Variants in RPS6KA2 observed in about 807,000 individuals in gnomAD.
The protein encoded by RPS6KA2 is ribosomal protein S6 kinase A2, also known as ribosomal protein S6 kinase alpha-2.
RPS6KA2 carries 42 observed loss-of-function variants against 91.8 expected under a neutral mutation model. That is an observed-to-expected ratio of 0.46 (90% CI 0.36 to 0.59). The LOEUF (loss-of-function observed/expected upper bound fraction) is 0.59, where lower values mean the gene tolerates loss of function less well. RPS6KA2 is among the 20% of genes least tolerant of loss of function. The pLI is 0.00. For missense variants in RPS6KA2, 798 were observed against 978.5 expected, an observed-to-expected ratio of 0.82 and a Z score of 2.46; for synonymous variants, 414 against 393.6, an observed-to-expected ratio of 1.05 and a Z score of -0.61.
chr6:166,446,534 C>T (rs1176064584), intron 14 of RPS6KA2, among the ~76,000 whole-genome samples: 1 of 152,168 alleles, frequency 6.6e-6, no homozygotes, highest in South Asian at 2.1e-4. Flanking sequence ...GCTTCTCTCC[C>T]CGAGAGCTGT....
chr6:166,827,908 T>C (rs1466422518), intron 2 of RPS6KA2, among the ~76,000 whole-genome samples: 1 of 152,258 alleles, frequency 6.6e-6, no homozygotes, highest in Non-Finnish European at 1.5e-5. Flanking sequence ...TTCAGTCTAT[T>C]GTGTGAGAAG....
At position 166,665,425 on chromosome 6, in the gene RPS6KA2, A is replaced by G. The variant is rs191301551; in HGVS notation, c.124-126641T>C. Among the ~76,000 whole-genome samples, 2 of 152,284 alleles carry G rather than the reference A, an allele frequency of 1.3e-5. No homozygotes were observed. The highest frequency in any genetic ancestry group is 6.5e-5 in the Admixed American group (1 of 15,298). On this transcript the variant is annotated intron_variant, in intron 2 of 21. Coordinates refer to the RPS6KA2 transcript ENST00000503859. The surrounding 1 kb of genome is among the most constrained non-coding windows in gnomAD (Gnocchi z 4.5). ...AACCCAAAGAAGGGTTTGCAGCAGCAGCTGCACAAAGCTGCTGGACAAAGC... is the reference window on the plus strand; with the variant it reads ...AACCCAAAGAAGGGTTTGCAGCAGCGGCTGCACAAAGCTGCTGGACAAAGC...
Position 166,508,145 on chromosome 6 carries a change from C to T in RPS6KA2, c.459+58G>A. 4.4e-6 allele frequency: 5 copies of T among 1,147,488 alleles called. No individual in the cohort carries two copies. The South Asian group carries it at 5.2e-5, about 12-fold the overall frequency. The allele number at this position is 1,147,488 out of a possible 1,614,324, so 71.1% of individuals were successfully genotyped here. A position where few individuals can be genotyped will look rare whatever the true frequency, so the allele number is the denominator to read the frequency against. ...CTCAATGCTCTCCACCCCTCCTCCC[C>T]TCGAGTCCCAGACAGAAGCTCCTGC... is the stretch of plus-strand genomic sequence containing the variant. On this transcript the variant is annotated intron_variant, in intron 5 of 20. Coordinates refer to ENST00000265678, the MANE Select transcript of RPS6KA2 (RefSeq NM_021135.6). This position sits in a 1 kb window ranked among gnomAD's most constrained non-coding sequence, Gnocchi z 4.3.
intron 2 of RPS6KA2, among the ~76,000 whole-genome samples, chr6:166,669,190 G>A (rs1788404197): frequency 1.3e-5 from 2 of 152,136 alleles, no homozygotes; most frequent in Admixed American, 1.3e-4. Flanking sequence ...CCCCGTGCCT[G>A]GCCAGCATTA....
intron 1 of RPS6KA2, among the ~76,000 whole-genome samples, chr6:166,611,908 T>C (rs974249907): frequency 2.0e-5 from 3 of 152,170 alleles, no homozygotes; most frequent in Admixed American, 6.5e-5. Flanking sequence ...GAAAGTGCCA[T>C]GGGTAGGGCA....
chr6:166,526,733 C>CA, intron 3 of RPS6KA2, among the ~76,000 whole-genome samples: 1 of 152,214 alleles, frequency 6.6e-6, no homozygotes, highest in East Asian at 1.9e-4. Flanking sequence ...CTTTACATTA[C>CA]AAAAAAATTA....
Position 166,586,133 on chromosome 6 carries a change from G to A in RPS6KA2, c.99+40788C>T, listed in dbSNP as rs528722437. 4.3e-4 allele frequency: 646 copies of A among 1,506,948 alleles called. 94 individuals are homozygous for A. In the African/African-American group the frequency reaches 0.011, roughly 25 times the overall value. The allele number at this position is 1,506,948 out of a possible 1,614,324, so 93.3% of individuals were successfully genotyped here. The stretch of plus-strand genomic sequence containing the variant: ...GCCAACATTTCTATCAGTAGTAACC[G>A]TAAGGAGGCCGCTGGTTGTAACCAT... On this transcript the variant is annotated intron_variant, in intron 1 of 20. Coordinates refer to ENST00000265678, the MANE Select transcript of RPS6KA2 (RefSeq NM_021135.6).
At chr6:166,675,143 A>C (rs1215855438) in intron 2 of RPS6KA2, among the ~76,000 whole-genome samples, 1 of 152,334 alleles carries the variant, frequency 6.6e-6, no homozygotes, top group East Asian at 1.9e-4. Context: ...TCCTCTGCCC[A>C]GCTTGCCAGC....
chr6:166,484,627 C>T (rs535966645), intron 10 of RPS6KA2, among the ~76,000 whole-genome samples: 1 of 152,128 alleles, frequency 6.6e-6, no homozygotes, highest in Admixed American at 6.5e-5. Flanking sequence ...CATCACAAGG[C>T]ACCGAGGATA....
At chr6:166,587,873 T>C (rs1194996937) in intron 1 of RPS6KA2, among the ~76,000 whole-genome samples, 1 of 152,188 alleles carries the variant, frequency 6.6e-6, no homozygotes, top group Non-Finnish European at 1.5e-5. Context: ...CTCTGCCCTG[T>C]GGGGAAGAAC....
chr6:166,616,448 C>T (rs1247369137), intron 1 of RPS6KA2, among the ~76,000 whole-genome samples: 2 of 152,222 alleles, frequency 1.3e-5, no homozygotes, highest in African/African-American at 4.8e-5. Flanking sequence ...CTGCCTGAGG[C>T]CATGTCAACC....
intron 10 of RPS6KA2, among the ~76,000 whole-genome samples, chr6:166,479,352 G>A (rs1781101888): frequency 6.6e-6 from 1 of 152,274 alleles, no homozygotes; most frequent in African/African-American, 2.4e-5. Context: ...CATGAGAAAG[G>A]GGCAGCAGGC....
In RPS6KA2 at chr6:166,584,088, A is replaced by G. The variant is rs944206113; in HGVS notation, c.99+42833T>C. Among the ~76,000 whole-genome samples, 3 of 152,254 alleles carry G rather than the reference A, an allele frequency of 2.0e-5. No individual in the cohort carries two copies. In the South Asian group the frequency reaches 6.2e-4, roughly 31 times the overall value. ...CCTTTCTTAGTCTGCCTGAGCTGCCATAACAAAGTACTATGGATTGGGTGG... is the reference window on the plus strand; with the variant it reads ...CCTTTCTTAGTCTGCCTGAGCTGCCGTAACAAAGTACTATGGATTGGGTGG... On this transcript the variant is annotated intron_variant, in intron 1 of 20. Coordinates refer to ENST00000265678, the MANE Select transcript of RPS6KA2 (RefSeq NM_021135.6).
intron 2 of RPS6KA2, among the ~76,000 whole-genome samples, chr6:166,793,020 G>A (rs1343692415): frequency 6.6e-6 from 1 of 151,894 alleles, no homozygotes; most frequent in African/African-American, 2.4e-5. Flanking sequence ...TTAGGCAGGA[G>A]AAGGAAATAA....
Position 166,775,561 on chromosome 6 carries a change from G to T in RPS6KA2, c.123+82639C>A, listed in dbSNP as rs529584309. ...TCCACGTTGTAGGAAGGCTGAATTT[G>T]GTTTCCATGACCCCCGACTCTCCCT... is the stretch of plus-strand genomic sequence containing the variant. On this transcript the variant is annotated intron_variant, in intron 2 of 21. Transcript: ENST00000503859. Among the ~76,000 whole-genome samples, 3 of 152,338 alleles carry T rather than the reference G, an allele frequency of 2.0e-5. No individual in the cohort carries two copies. In the South Asian group the frequency reaches 6.2e-4, roughly 32 times the overall value.
intron 2 of RPS6KA2, among the ~76,000 whole-genome samples, chr6:166,715,881 T>C (rs889974624): frequency 6.6e-6 from 1 of 151,468 alleles, no homozygotes; most frequent in Non-Finnish European, 1.5e-5. Context: ...CTACTAAAAA[T>C]ACAAAAATTA....
chr6:166,420,442 G>A (rs1328122459), intron 17 of RPS6KA2, among the ~76,000 whole-genome samples: 1 of 152,042 alleles, frequency 6.6e-6, no homozygotes, highest in South Asian at 2.1e-4. Flanking sequence ...CCCTTCTACT[G>A]TCCGTCTGTG....
At position 166,413,942 on chromosome 6, in the gene RPS6KA2, A is replaced by G. The variant is rs1216866083; in HGVS notation, c.1939-11T>C. On this transcript the variant is annotated splice_polypyrimidine_tract_variant and intron_variant, in intron 19 of 20. Transcript: ENST00000265678. ...CTTGGACACGACGTCCTGCCAGGGA[A>G]GGTCATGAGAGTCGGGGGGATGGTT... The G allele has an allele frequency of 1.2e-6, 2 of 1,613,010 alleles. No individual in the cohort carries two copies. Among genetic ancestry groups the G allele is most frequent in the South Asian group, 1.1e-5 (1 of 91,042 alleles).
intron 2 of RPS6KA2, among the ~76,000 whole-genome samples, chr6:166,678,410 T>C (rs551554988): frequency 6.6e-6 from 1 of 152,244 alleles, no homozygotes; most frequent in Non-Finnish European, 1.5e-5. Flanking sequence ...CGCAGAAGGT[T>C]GCCTTCTACA....
Sources: allele counts gnomAD v4.1 joint callset (sites outside exome capture counted in the v4.1 genomes callset), GRCh38; gene constraint gnomAD v4.1.1; non-coding constraint Gnocchi (gnomAD v3.1); transcripts MANE v1.5; gene names NCBI Gene and HGNC (gene_info 2026-07-23, HGNC 2026-07-21).